The following UGT1A7 variants were observed in gnomAD, a reference collection of about 807,000 sequenced individuals.
UGT1A7 encodes UDP-glucuronosyltransferase 1A7.
Under a neutral mutation model 45.6 loss-of-function variants are expected in UGT1A7, and 33 were observed. The observed-to-expected ratio is 0.72, with a 90% CI of 0.55 to 0.97. UGT1A7 has a LOEUF of 0.97. Ranked by LOEUF, UGT1A7 falls within the 50% of genes least tolerant of loss-of-function variation. UGT1A7 has a pLI of 0.00. For synonymous variants in UGT1A7, 274 were observed against 250.6 expected (o/e 1.09, Z -0.88); for missense variants, 684 against 666.2 (o/e 1.03, Z -0.29).
intron 1 of UGT1A7, chr2:233,690,588 G>GA (rs144486213): frequency 0.039 from 32,870 of 839,158 alleles, no homozygotes; most frequent in South Asian, 0.07. Flanking sequence ...CAATCCCTGA[G>GA]AAAAAAAAAA....
chr2:233,755,064 C>A, intron 1 of UGT1A7: 1 of 1,335,842 alleles, frequency 7.5e-7, no homozygotes, highest in African/African-American at 1.5e-5. Flanking sequence ...CCTCGCCTCG[C>A]CATAGCGGTC....
intron 1 of UGT1A7, chr2:233,760,350 C>T (rs1374994213): frequency 1.2e-6 from 2 of 1,613,944 alleles, no homozygotes; most frequent in African/African-American, 2.7e-5. Context: ...GTGTGCTGGG[C>T]CCAGTGGTGT....
At position 233,747,777 on chromosome 2, in the gene UGT1A7, A is replaced by G. The variant is rs1038765158; in HGVS notation, c.856-19257A>G. On this transcript the variant is annotated intron_variant, in intron 1 of 4. Transcript: ENST00000373426. ...AGACTTTAAGGGCACACAGTGTCCA[A>G]ATCCTTCCTCCTATATTCCTAAGTT... 11 of 1,613,426 alleles carry G rather than the reference A, an allele frequency of 6.8e-6. No individual in the cohort carries two copies. In the Admixed American group the frequency reaches 1.0e-4, roughly 15 times the overall value.
At chr2:233,732,938 A>G (rs2078338826) in intron 1 of UGT1A7, among the ~76,000 whole-genome samples, 1 of 152,098 alleles carries the variant, frequency 6.6e-6, no homozygotes, top group South Asian at 2.1e-4. Flanking sequence ...CTTCCTATCC[A>G]TGAGCATGGA....
chr2:233,704,871 C>T (rs2075811084), intron 1 of UGT1A7, among the ~76,000 whole-genome samples: 1 of 152,170 alleles, frequency 6.6e-6, no homozygotes, highest in African/African-American at 2.4e-5. Context: ...CGGTGGCTCA[C>T]TCCTGTAATC....
In UGT1A7 at chr2:233,772,791, C is replaced by A; in HGVS notation, c.*232C>A. On this transcript the variant is annotated 3_prime_UTR_variant, in exon 5 of 5. Coordinates refer to ENST00000373426, the MANE Select transcript of UGT1A7 (RefSeq NM_019077.3). ...CCTCTGGTGTCTTTGATCAGGATGACATGTGCCATTTTTCAGAGGACGTGC... is the reference window on the plus strand; with the variant it reads ...CCTCTGGTGTCTTTGATCAGGATGAAATGTGCCATTTTTCAGAGGACGTGC... The A allele has an allele frequency of 8.2e-7, 1 of 1,224,562 alleles. No individual in the cohort carries two copies. Among genetic ancestry groups the A allele is most frequent in the Non-Finnish European group, 1.1e-6 (1 of 921,630 alleles). 75.9% of individuals were successfully genotyped at this position (1,224,562 alleles called of 1,614,324 possible).
chr2:233,743,852 G>A (rs770873874), intron 1 of UGT1A7: 10 of 1,367,226 alleles, frequency 7.3e-6, no homozygotes, highest in East Asian at 9.1e-5. Flanking sequence ...CTTGCGGTAC[G>A]CCTTCTTGAT....
chr2:233,725,828 G>A (rs372072402), intron 1 of UGT1A7, among the ~76,000 whole-genome samples: 8 of 152,124 alleles, frequency 5.3e-5, no homozygotes, highest in Middle Eastern at 3.4e-3. Flanking sequence ...TACCAGTATT[G>A]CTACTCCTAT....
chr2:233,719,157 A>C (rs757422133), intron 1 of UGT1A7: 2 of 1,614,264 alleles, frequency 1.2e-6, no homozygotes, highest in Non-Finnish European at 1.7e-6. Context: ...ATATTCTAGA[A>C]GTATGGCAAT....
chr2:233,721,754 C>A, intron 1 of UGT1A7: 1 of 457,794 alleles, frequency 2.2e-6, no homozygotes, highest in South Asian at 1.6e-5. Context: ...GAATCTACAT[C>A]TAAATTGTTA....
intron 1 of UGT1A7, among the ~76,000 whole-genome samples, chr2:233,731,588 T>C (rs2078180230): frequency 6.6e-6 from 1 of 152,212 alleles, no homozygotes; most frequent in African/African-American, 2.4e-5. Flanking sequence ...TACAGCTTTG[T>C]CCATCTCCCT....
At chr2:233,757,019 A>C (rs1245211871) in intron 1 of UGT1A7, among the ~76,000 whole-genome samples, 4 of 151,834 alleles carry the variant, frequency 2.6e-5, no homozygotes, top group African/African-American at 9.7e-5. Context: ...CAGTTTGAAC[A>C]AAGCAATTTG....
intron 1 of UGT1A7, among the ~76,000 whole-genome samples, chr2:233,683,150 C>T (rs1362078912): frequency 1.3e-5 from 2 of 152,148 alleles, no homozygotes; most frequent in South Asian, 2.1e-4. Context: ...GAATTGTTTT[C>T]AATTTTTTTG....
intron 1 of UGT1A7, among the ~76,000 whole-genome samples, chr2:233,731,276 TTTTC>T (rs980011036): frequency 8.2e-5 from 12 of 146,468 alleles, no homozygotes; most frequent in African/African-American, 2.6e-4. Flanking sequence ...CCCTTCCAGT[TTTTC>T]TTTCTTTTTT....
intron 1 of UGT1A7, among the ~76,000 whole-genome samples, chr2:233,686,016 A>T (rs565898309): frequency 2.6e-5 from 4 of 152,216 alleles, no homozygotes; most frequent in African/African-American, 9.6e-5. Flanking sequence ...CTTGATTTTC[A>T]TCATGGTGCC....
intron 1 of UGT1A7, among the ~76,000 whole-genome samples, chr2:233,690,178 C>A (rs541468631): frequency 3.9e-5 from 6 of 152,164 alleles, no homozygotes; most frequent in African/African-American, 1.4e-4. Context: ...GTTTTTATAG[C>A]CATTTCATAA....
intron 1 of UGT1A7, among the ~76,000 whole-genome samples, chr2:233,749,970 G>A (rs373320687): frequency 6.6e-6 from 1 of 151,884 alleles, no homozygotes; most frequent in Non-Finnish European, 1.5e-5. Context: ...TGTCTTTATA[G>A]CAGTGTGAGA....
chr2:233,741,836 G>A (rs547216882), intron 1 of UGT1A7: 1 of 151,972 alleles, frequency 6.6e-6, no homozygotes, highest in South Asian at 2.1e-4. Context: ...CAGTTCAGTT[G>A]CCTTTTGCTC....
intron 1 of UGT1A7, among the ~76,000 whole-genome samples, chr2:233,756,978 C>T (rs1696373948): frequency 1.3e-5 from 2 of 151,968 alleles, no homozygotes; most frequent in Admixed American, 1.3e-4. Context: ...ACGCAATGAA[C>T]AGTCATAGTA....
Sources: gnomAD v4.1 joint callset for allele counts (sites outside exome capture counted in the v4.1 genomes callset) on GRCh38, gnomAD v4.1.1 for gene constraint, MANE v1.5 for transcripts, NCBI Gene and HGNC (gene_info 2026-07-23, HGNC 2026-07-21) for gene names.